Variants in ATG14 observed in about 807,000 individuals in gnomAD.
ATG14 encodes autophagy related 14, also known as beclin 1-associated autophagy-related key regulator.
In ATG14, 35 loss-of-function variants were observed where a neutral mutation model predicts 60.4. The ratio of observed to expected loss-of-function variants is 0.58; its 90% CI spans 0.44 to 0.77. The LOEUF is 0.77. ATG14 is among the 30% of genes least tolerant of loss of function. ATG14 has a pLI of 0.00. For missense variants in ATG14, 647 were observed against 626.3 expected, an observed-to-expected ratio of 1.03 and a Z score of -0.35; for synonymous variants, 234 against 228.8, an observed-to-expected ratio of 1.02 and a Z score of -0.21.
chr14:55,383,696 G>A (rs1312499800), intron 5 of ATG14, among the ~76,000 whole-genome samples: 5 of 152,058 alleles, frequency 3.3e-5, no homozygotes, highest in African/African-American at 1.2e-4. Flanking sequence ...TTGAGCTCAC[G>A]AATGGTGCTA....
At chr14:55,381,119 C>A (rs1319450921) in intron 6 of ATG14, among the ~76,000 whole-genome samples, 1 of 152,038 alleles carries the variant, frequency 6.6e-6, no homozygotes, top group Admixed American at 6.6e-5. Context: ...ATGGCACCCA[C>A]TCAATGTACA....
chr14:55,377,672 C>G (rs1231173049), intron 9 of ATG14, 147 bp downstream of exon 9: 1 of 467,762 alleles, frequency 2.1e-6, no homozygotes, highest in African/African-American at 2.0e-5. Context: ...ATATAATTAC[C>G]TTTGTTTCTT....
At chr14:55,379,383 CA>C (rs1044817921) in intron 7 of ATG14, among the ~76,000 whole-genome samples, 3 of 150,084 alleles carry the variant, frequency 2.0e-5, no homozygotes, top group East Asian at 2.0e-4. Context: ...CAAAAAAATA[CA>C]AAAAAAAATT....
intron 6 of ATG14, 59 bp downstream of exon 6, chr14:55,381,903 G>A: frequency 6.9e-7 from 1 of 1,458,034 alleles, no homozygotes; most frequent in Non-Finnish European, 9.6e-7. Context: ...ATTTTGTTAT[G>A]TCAATTTTAC....
chr14:55,410,546 A>T (rs1885555129), intron 1 of ATG14, among the ~76,000 whole-genome samples: 1 of 152,248 alleles, frequency 6.6e-6, no homozygotes, highest in Non-Finnish European at 1.5e-5. Flanking sequence ...TCCTCAAAAG[A>T]GAAAGGAAAG....
chr14:55,371,803 C>T (rs772811738), intron 9 of ATG14, among the ~76,000 whole-genome samples: 22 of 149,764 alleles, frequency 1.5e-4, no homozygotes, highest in Non-Finnish European at 2.4e-4. Flanking sequence ...GACTCTGTCT[C>T]AAAAAACAAA....
At chr14:55,401,248 CATCCAA>C (rs1885393438) in intron 1 of ATG14, among the ~76,000 whole-genome samples, 2 of 150,494 alleles carry the variant, frequency 1.3e-5, no homozygotes, top group Non-Finnish European at 2.9e-5. Flanking sequence ...CTATGTCCTT[CATCCAA>C]TTTTTTATAG....
chr14:55,384,898 T>C (rs1239606208), intron 5 of ATG14, among the ~76,000 whole-genome samples: 1 of 152,154 alleles, frequency 6.6e-6, no homozygotes, highest in Admixed American at 6.5e-5. Flanking sequence ...TATAGAAATA[T>C]TACAAGATGG....
chr14:55,392,322 C>A (rs956859208), intron 3 of ATG14, among the ~76,000 whole-genome samples: 1 of 152,066 alleles, frequency 6.6e-6, no homozygotes, highest in Non-Finnish European at 1.5e-5. Context: ...GGGTTGGGGA[C>A]CCCTGCCTTA....
At chr14:55,393,148 A>G (rs553862012) in intron 3 of ATG14, among the ~76,000 whole-genome samples, 62 of 152,210 alleles carry the variant, frequency 4.1e-4, no homozygotes, top group East Asian at 9.6e-4. Context: ...TTGGGAGGCC[A>G]AGGTGGGCGG....
intron 1 of ATG14, among the ~76,000 whole-genome samples, chr14:55,402,927 ATATATATATAT>A (rs1261653798): frequency 1.1e-4 from 1 of 8,918 alleles, no homozygotes; most frequent in African/African-American, 6.6e-4. Flanking sequence ...AAAAAAAAAA[ATATATATATAT>A]ATATATATAT....
Position 55,369,258 on chromosome 14 carries a change from C to T in ATG14, c.*361G>A, listed in dbSNP as rs767188142. 43 of 170,440 alleles carry T rather than the reference C, an allele frequency of 2.5e-4. No homozygotes were observed. The highest frequency in any genetic ancestry group is 1.4e-3 in the Admixed American group (22 of 15,844). 10.6% of individuals were successfully genotyped at this position (170,440 alleles called of 1,614,324 possible). A position where few individuals can be genotyped will look rare whatever the true frequency, so the allele number is the denominator to read the frequency against. On this transcript the variant is annotated 3_prime_UTR_variant, in exon 10 of 10. Transcript: ENST00000247178. ...AAAGTGTCAGGAACAGTCTCAGCAC[C>T]GCAAGGACCAGCACACTGACCCATA...
At chr14:55,389,306 C>G (rs1885175914) in intron 4 of ATG14, among the ~76,000 whole-genome samples, 1 of 151,896 alleles carries the variant, frequency 6.6e-6, no homozygotes, top group African/African-American at 2.4e-5. Context: ...ACGGGGAGAG[C>G]ATGAACTAAT....
At chr14:55,390,613 C>T (rs1328788279) in intron 4 of ATG14, among the ~76,000 whole-genome samples, 3 of 152,148 alleles carry the variant, frequency 2.0e-5, no homozygotes, top group Non-Finnish European at 2.9e-5. Context: ...CCTTGTGATC[C>T]GCCTGCCTCA....
intron 9 of ATG14, among the ~76,000 whole-genome samples, chr14:55,370,606 G>C (rs1338515439): frequency 6.6e-6 from 1 of 151,620 alleles, no homozygotes; most frequent in African/African-American, 2.4e-5. Flanking sequence ...CTCAGCACAG[G>C]GAACCGAGTC....
intron 2 of ATG14, 30 bp from the exon 3 acceptor site, chr14:55,396,012 C>G (rs755155090): frequency 6.5e-7 from 1 of 1,531,790 alleles, no homozygotes; most frequent in Admixed American, 2.1e-5. Context: ...AAAATAAGCT[C>G]TTAAAAATAA....
chr14:55,409,651 G>C (rs868414467), intron 1 of ATG14, among the ~76,000 whole-genome samples: 1 of 152,184 alleles, frequency 6.6e-6, no homozygotes, highest in Non-Finnish European at 1.5e-5. Flanking sequence ...CCTGAGGAAG[G>C]AGTGTTCTTG....
At chr14:55,380,879 T>A (rs1384497178) in intron 6 of ATG14, among the ~76,000 whole-genome samples, 189 bp from the exon 7 acceptor site, 39 of 93,652 alleles carry the variant, frequency 4.2e-4, no homozygotes, top group African/African-American at 6.3e-4. Context: ...ATATATATTT[T>A]TTTTTTTTTT....
In ATG14 at chr14:55,402,963, AT is replaced by A. The variant is rs1566585787; in HGVS notation, c.222-5530del. ...TATATATATATATATATATATATAT[AT>A]ATATAAATAGCTGGGCATAGTGGTG... On this transcript the variant is annotated intron_variant, in intron 1 of 9. Transcript: ENST00000247178. Among the ~76,000 whole-genome samples, 91 of 78,324 alleles carry A rather than the reference AT, an allele frequency of 1.2e-3. 2 individuals are homozygous for A. Among genetic ancestry groups the A allele is most frequent in the Admixed American group, 3.0e-3 (20 of 6,758 alleles). The allele number at this position is 78,324 out of a possible 152,430, so 51.4% of individuals were successfully genotyped here.
Sources: gnomAD v4.1 joint callset for allele counts (sites outside exome capture counted in the v4.1 genomes callset) on GRCh38, gnomAD v4.1.1 for gene constraint, MANE v1.5 for transcripts, NCBI Gene and HGNC (gene_info 2026-07-23, HGNC 2026-07-21) for gene names.